The following ADAMTS12 variants were observed in gnomAD, a reference collection of about 807,000 sequenced individuals.
ADAMTS12 encodes A disintegrin and metalloproteinase with thrombospondin motifs 12.
ADAMTS12 carries 118 observed loss-of-function variants against 167.8 expected under a neutral mutation model. The ratio of observed to expected loss-of-function variants is 0.70; its 90% CI spans 0.61 to 0.82. ADAMTS12 has a LOEUF of 0.82. Among genes scored for constraint, ADAMTS12 ranks in the 40% least tolerant of loss-of-function variants. The probability of loss-of-function intolerance (pLI) is 0.00; values close to 1 mark genes in which losing one functional copy is unlikely to be tolerated. For missense variants in ADAMTS12, 1,916 were observed against 1,998.8 expected, an observed-to-expected ratio of 0.96 and a Z score of 0.79; for synonymous variants, 704 against 716.9, an observed-to-expected ratio of 0.98 and a Z score of 0.29.
At chr5:33,729,172 A>G (rs958939628) in intron 3 of ADAMTS12, among the ~76,000 whole-genome samples, 3 of 152,258 alleles carry the variant, frequency 2.0e-5, no homozygotes, top group African/African-American at 7.2e-5. Flanking sequence ...GTAAACTGGG[A>G]CACAATAACA....
At chr5:33,827,523 C>T (rs145916466) in intron 2 of ADAMTS12, among the ~76,000 whole-genome samples, 1 of 152,138 alleles carries the variant, frequency 6.6e-6, no homozygotes, top group African/African-American at 2.4e-5. Context: ...GGTATTGTTC[C>T]AAACTTTCTA....
intron 17 of ADAMTS12, among the ~76,000 whole-genome samples, chr5:33,591,025 T>C (rs941861565): frequency 6.6e-6 from 1 of 152,074 alleles, no homozygotes; most frequent in South Asian, 2.1e-4. Context: ...TTGTTGGAGA[T>C]TTCTAAAATA....
At chr5:33,867,421 G>A (rs1749863293) in intron 2 of ADAMTS12, among the ~76,000 whole-genome samples, 1 of 152,100 alleles carries the variant, frequency 6.6e-6, no homozygotes, top group African/African-American at 2.4e-5. Flanking sequence ...GATAATCAAA[G>A]GCATATGGAG....
rs1177727144 is a variant in ADAMTS12 at position 33,576,745 on chromosome 5, G to C, written c.3281C>G (p.Ser1094Cys). The stretch of plus-strand genomic sequence containing the variant: ...ACTTGGCTGAATGCTCAAGGATTGG[G>C]AAGTGAGGATGGGCTGGGAAGTGCT... ...TGSTSQPILT[S>C]QSLSIQPSEE... is the part of the protein sequence containing the mutation. Residue 1094 changes from serine to cysteine, a missense_variant, in exon 19 of 24, where the codon TCC (serine) becomes TGC (cysteine). Coordinates refer to ENST00000504830, the MANE Select transcript of ADAMTS12 (RefSeq NM_030955.4). 1 of 1,614,224 alleles carries C rather than the reference G, an allele frequency of 6.2e-7. No homozygotes were observed. Among genetic ancestry groups the C allele is most frequent in the Non-Finnish European group, 8.5e-7 (1 of 1,180,040 alleles).
At position 33,834,859 on chromosome 5, in the gene ADAMTS12, C is replaced by T. The variant is rs192760430; in HGVS notation, c.489+46260G>A. On this transcript the variant is annotated intron_variant, in intron 2 of 23. Transcript: ENST00000504830. ...TAGGTCACAAGTAAAAGGTCTGAGG[C>T]CTTGCTGATAGTGCTTTTTGGACTG... Among the ~76,000 whole-genome samples, 6 of 152,276 alleles carry T rather than the reference C, an allele frequency of 3.9e-5. No individual in the cohort carries two copies. In the East Asian group the frequency reaches 9.7e-4, roughly 24 times the overall value.
chr5:33,536,782 C>A (rs1300874061), intron 22 of ADAMTS12, among the ~76,000 whole-genome samples: 1 of 152,216 alleles, frequency 6.6e-6, no homozygotes, highest in Non-Finnish European at 1.5e-5. Context: ...AAAGGGGAGA[C>A]TTAAAAATGT....
chr5:33,539,861 T>C (rs1744599367), intron 22 of ADAMTS12, among the ~76,000 whole-genome samples: 1 of 132,500 alleles, frequency 7.5e-6, no homozygotes, highest in Non-Finnish European at 1.7e-5. Context: ...AGAGCTCTGG[T>C]CTGCAGCTCC....
chr5:33,615,706 G>T, intron 15 of ADAMTS12, 122 bp downstream of exon 15: 2 of 1,327,234 alleles, frequency 1.5e-6, no homozygotes, highest in Non-Finnish European at 1.0e-6. Flanking sequence ...TCCCCTCCCT[G>T]CTCCTTGCTA....
At chr5:33,563,508 G>A (rs373292312) in intron 19 of ADAMTS12, among the ~76,000 whole-genome samples, 247 of 152,280 alleles carry the variant, frequency 1.6e-3, no homozygotes, top group African/African-American at 5.6e-3. Context: ...ACCCTGTGGC[G>A]ACTGACTAAC....
intron 3 of ADAMTS12, among the ~76,000 whole-genome samples, chr5:33,724,302 G>T (rs1743900029): frequency 6.6e-6 from 1 of 152,078 alleles, no homozygotes; most frequent in Non-Finnish European, 1.5e-5. Flanking sequence ...GTCAGGGAGG[G>T]GCAGGGACCC....
At chr5:33,694,959 A>G (rs1186129393) in intron 3 of ADAMTS12, among the ~76,000 whole-genome samples, 1 of 152,238 alleles carries the variant, frequency 6.6e-6, no homozygotes, top group African/African-American at 2.4e-5. Context: ...TTTGTATTGT[A>G]GAGCACTGGT....
chr5:33,628,271 A>T (rs1473763723), intron 13 of ADAMTS12, among the ~76,000 whole-genome samples: 1 of 152,142 alleles, frequency 6.6e-6, no homozygotes. Context: ...TGGGTATGAG[A>T]GTGAGAGTTC....
At chr5:33,864,348 G>T (rs1340446058) in intron 2 of ADAMTS12, among the ~76,000 whole-genome samples, 2 of 152,196 alleles carry the variant, frequency 1.3e-5, no homozygotes, top group Non-Finnish European at 2.9e-5. Flanking sequence ...ACAGATGCTG[G>T]AGAGGATGTA....
At chr5:33,557,301 C>T (rs1745529339) in intron 20 of ADAMTS12, among the ~76,000 whole-genome samples, 1 of 152,124 alleles carries the variant, frequency 6.6e-6, no homozygotes, top group South Asian at 2.1e-4. Context: ...GAGAAAGTAT[C>T]TGTGAAAAGG....
chr5:33,853,333 T>G (rs1749286991), intron 2 of ADAMTS12, among the ~76,000 whole-genome samples: 1 of 152,166 alleles, frequency 6.6e-6, no homozygotes, highest in South Asian at 2.1e-4. Context: ...CTGTCTCTTC[T>G]CAACAGCTTA....
At chr5:33,867,906 AT>A (rs1749885122) in intron 2 of ADAMTS12, among the ~76,000 whole-genome samples, 2 of 152,086 alleles carry the variant, frequency 1.3e-5, no homozygotes, top group South Asian at 4.1e-4. Context: ...ATGGGAGGTG[AT>A]TTGGATCATG....
chr5:33,562,525 A>T (rs1337675606), intron 19 of ADAMTS12, among the ~76,000 whole-genome samples: 1 of 152,190 alleles, frequency 6.6e-6, no homozygotes, highest in Non-Finnish European at 1.5e-5. Flanking sequence ...ACTAAAAAAA[A>T]AAGACAGGGT....
Position 33,588,378 on chromosome 5 carries a change from C to G in ADAMTS12, c.2865+221G>C, listed in dbSNP as rs115917866. 7.4e-3 allele frequency among the ~76,000 whole-genome samples: 1,134 copies of G among 152,242 alleles called. 10 individuals are homozygous for G. The highest frequency in any genetic ancestry group is 0.011 in the Non-Finnish European group (763 of 68,014). On this transcript the variant is annotated intron_variant, in intron 18 of 23. Coordinates refer to ENST00000504830, the MANE Select transcript of ADAMTS12 (RefSeq NM_030955.4). ...TGGGAGTGGGGGGTCTACCTCACCC[C>G]TGTCAGATAGTAAGCTGACCATTGA...
intron 3 of ADAMTS12, among the ~76,000 whole-genome samples, chr5:33,692,002 G>A (rs1742564859): frequency 6.6e-6 from 1 of 152,230 alleles, no homozygotes; most frequent in South Asian, 2.1e-4. Context: ...TTTGCATCAA[G>A]TCCTTAAAAC....
Sources: allele counts gnomAD v4.1 joint callset (sites outside exome capture counted in the v4.1 genomes callset), GRCh38; gene constraint gnomAD v4.1.1; transcripts MANE v1.5; gene names NCBI Gene and HGNC (gene_info 2026-07-23, HGNC 2026-07-21).